Variants in DCAF8L2 observed in about 807,000 individuals in gnomAD.
DCAF8L2 encodes the protein DDB1- and CUL4-associated factor 8-like protein 2.
For missense variants in DCAF8L2, 430 were observed against 490.7 expected, an observed-to-expected ratio of 0.88 and a Z score of 1.17; for synonymous variants, 200 against 190.9, an observed-to-expected ratio of 1.05 and a Z score of -0.39.
At chrX:27,635,147 T>C (rs1310071473) in intron 2 of DCAF8L2, among the ~76,000 whole-genome samples, 1 of 111,809 alleles carries the variant, frequency 8.9e-6, no homozygotes, top group Non-Finnish European at 1.9e-5. Flanking sequence ...ATTACATAAT[T>C]TTTATCATTG....
chrX:27,469,976 C>A, the DCAF8L2 span, among the ~76,000 whole-genome samples: 3 of 110,625 alleles, frequency 2.7e-5, no homozygotes, highest in Non-Finnish European at 5.7e-5. Context: ...CCATGTTGGC[C>A]AGGCTGGTCT....
At chrX:27,596,358 T>G (rs1325041041) in intron 1 of DCAF8L2, among the ~76,000 whole-genome samples, 3 of 111,148 alleles carry the variant, frequency 2.7e-5, no homozygotes, top group Non-Finnish European at 3.8e-5. Flanking sequence ...AATGAAAGAC[T>G]ACATTAATTT....
At chrX:27,575,657 T>G in the DCAF8L2 span, among the ~76,000 whole-genome samples, 1 of 112,554 alleles carries the variant, frequency 8.9e-6, no homozygotes, top group African/African-American at 3.2e-5. Flanking sequence ...CTTTGGGAAG[T>G]TCTACCACTT....
chrX:27,742,534 A>G (rs1391934067), intron 4 of DCAF8L2, among the ~76,000 whole-genome samples: 1 of 108,167 alleles, frequency 9.2e-6, no homozygotes, highest in Non-Finnish European at 1.9e-5. Flanking sequence ...ACGCCACTGC[A>G]CTCCAGCCTG....
At chrX:27,735,479 CTTT>C (rs751658565) in intron 4 of DCAF8L2, among the ~76,000 whole-genome samples, 1 of 112,320 alleles carries the variant, frequency 8.9e-6, no homozygotes, top group South Asian at 3.6e-4. Context: ...CATAATGCTT[CTTT>C]ATTTTCAATC....
At chrX:27,626,415 G>A (rs1231849041) in intron 1 of DCAF8L2, among the ~76,000 whole-genome samples, 2 of 111,931 alleles carry the variant, frequency 1.8e-5, no homozygotes, top group Non-Finnish European at 3.8e-5. Context: ...AGAGGAATCT[G>A]GGAATGTAGT....
intron 1 of DCAF8L2, among the ~76,000 whole-genome samples, chrX:27,602,675 CTT>C (rs1926704219): frequency 9.0e-6 from 1 of 111,073 alleles, no homozygotes; most frequent in South Asian, 3.7e-4. Flanking sequence ...TAAATTATGT[CTT>C]TATTACTCAT....
the DCAF8L2 span, among the ~76,000 whole-genome samples, chrX:27,540,388 G>A: frequency 9.0e-6 from 1 of 111,569 alleles, no homozygotes; most frequent in Non-Finnish European, 1.9e-5. Flanking sequence ...GGGTTCTAAT[G>A]CAGAAGCAGC....
intron 2 of DCAF8L2, among the ~76,000 whole-genome samples, chrX:27,670,665 C>T (rs1355024534): frequency 9.0e-6 from 1 of 111,164 alleles, no homozygotes; most frequent in African/African-American, 3.3e-5. Context: ...ATCTGATCCC[C>T]CAGTGTTGGA....
chrX:27,656,122 G>C (rs976325935), intron 2 of DCAF8L2, among the ~76,000 whole-genome samples: 1 of 111,438 alleles, frequency 9.0e-6, no homozygotes, highest in Non-Finnish European at 1.9e-5. Context: ...TTTGAAGTTT[G>C]CATGTGTGAT....
At chrX:27,541,643 C>T in the DCAF8L2 span, among the ~76,000 whole-genome samples, 3 of 110,730 alleles carry the variant, frequency 2.7e-5, no homozygotes, top group African/African-American at 9.9e-5. Flanking sequence ...GCTGGGAGTA[C>T]AGGCATGAGC....
In DCAF8L2 at chrX:27,747,117, C is replaced by T. The variant is rs1195251475; in HGVS notation, c.222C>T (p.Asp74=). Residue 74 remains aspartate, a synonymous_variant, in exon 5 of 5, where the codon GAC becomes GAT. Transcript: ENST00000451261. The stretch of plus-strand genomic sequence containing the variant: ...CCAGCACAGAAAATCGAAGCTCAGA[C>T]CAAGAAAGCGCAAGTGAAGACATCG... The part of the protein sequence containing the change: ...NDASTENRSS[D]QESASEDIEL... 2.6e-6 allele frequency: 3 copies of T among 1,165,695 alleles called. No homozygotes were observed. The highest frequency in any genetic ancestry group is 3.6e-5 in the African/African-American group (2 of 55,473).
chrX:27,476,115 G>C, the DCAF8L2 span, among the ~76,000 whole-genome samples: 3 of 110,439 alleles, frequency 2.7e-5, no homozygotes, highest in Non-Finnish European at 5.7e-5. Flanking sequence ...GGGTATAAAG[G>C]GGACAAGAGG....
the DCAF8L2 span, among the ~76,000 whole-genome samples, chrX:27,544,189 C>T: frequency 2.7e-5 from 3 of 111,515 alleles, no homozygotes; most frequent in Admixed American, 9.6e-5. Flanking sequence ...CTCTTCTCTC[C>T]TTTCTATAAC....
At chrX:27,497,505 T>TTCCTTCCTTCCTTCCTTCCTTCC in the DCAF8L2 span, among the ~76,000 whole-genome samples, 23 of 23,564 alleles carry the variant, frequency 9.8e-4, 1 homozygote, top group African/African-American at 2.6e-3. Context: ...TTATTCTTTC[T>TTCCTTCCTTCCTTCCTTCCTTCC]TTCTTTCCTT....
At chrX:27,737,712 CTTT>C (rs57138539) in intron 4 of DCAF8L2, among the ~76,000 whole-genome samples, 9,885 of 94,828 alleles carry the variant, frequency 0.1, 453 homozygotes, top group East Asian at 0.34. Flanking sequence ...TATAGAGAAT[CTTT>C]TTTTTTTTTT....
chrX:27,674,817 G>C (rs1466152424), intron 2 of DCAF8L2, among the ~76,000 whole-genome samples: 3 of 111,518 alleles, frequency 2.7e-5, no homozygotes, highest in African/African-American at 9.8e-5. Context: ...GAGATGAAAG[G>C]ATTGAACAGT....
At chrX:27,548,290 TAAA>T in the DCAF8L2 span, among the ~76,000 whole-genome samples, 2 of 111,307 alleles carry the variant, frequency 1.8e-5, no homozygotes, top group Non-Finnish European at 1.9e-5. Flanking sequence ...ATGATTGTAA[TAAA>T]GAGTTTTTTG....
intron 3 of DCAF8L2, among the ~76,000 whole-genome samples, chrX:27,680,829 T>G (rs1181883775): frequency 8.9e-6 from 1 of 112,326 alleles, no homozygotes; most frequent in Non-Finnish European, 1.9e-5. Context: ...TCTTGATATG[T>G]TTGAAAACTC....
Sources: allele counts gnomAD v4.1 joint callset (sites outside exome capture counted in the v4.1 genomes callset), GRCh38; gene constraint gnomAD v4.1.1; transcripts MANE v1.5; gene names NCBI Gene and HGNC (gene_info 2026-07-23, HGNC 2026-07-21).